The following TOM1L2 variants were observed in gnomAD, a reference collection of about 807,000 sequenced individuals.
TOM1L2 encodes the protein TOM1-like protein 2.
A neutral mutation model predicts 67.9 loss-of-function variants in TOM1L2; 31 were observed. The observed-to-expected ratio is 0.46, with a 90% CI of 0.34 to 0.62. TOM1L2 has a LOEUF of 0.62. Ranked by LOEUF, TOM1L2 falls within the 20% of genes least tolerant of loss-of-function variation. The pLI, the probability that TOM1L2 is intolerant of heterozygous loss-of-function variation, is 0.01. For missense variants in TOM1L2, 606 were observed against 663.5 expected (o/e 0.91, Z 0.95); for synonymous variants, 256 against 254.0 (o/e 1.01, Z -0.07).
At chr17:17,915,099 T>C (rs533974905) in intron 1 of TOM1L2, among the ~76,000 whole-genome samples, 1 of 152,348 alleles carries the variant, frequency 6.6e-6, no homozygotes, top group South Asian at 2.1e-4. Flanking sequence ...ACAAGGATAC[T>C]TCCAGCCTGT....
At chr17:17,889,716 C>A (rs1487885389) in intron 4 of TOM1L2, among the ~76,000 whole-genome samples, 1 of 152,230 alleles carries the variant, frequency 6.6e-6, no homozygotes, top group Non-Finnish European at 1.5e-5. Flanking sequence ...CTGTACCCCA[C>A]TCCACCCCCA....
chr17:17,892,355 C>T (rs1305936585), intron 4 of TOM1L2, among the ~76,000 whole-genome samples: 1 of 152,192 alleles, frequency 6.6e-6, no homozygotes, highest in Non-Finnish European at 1.5e-5. Context: ...CACGCCCAGC[C>T]CTAGGTTTGT....
chr17:17,884,334 T>C (rs1365477941), intron 5 of TOM1L2, among the ~76,000 whole-genome samples: 1 of 152,172 alleles, frequency 6.6e-6, no homozygotes, highest in African/African-American at 2.4e-5. Flanking sequence ...TAGGGGCCTC[T>C]GAAAAGCAGG....
chr17:17,880,229 C>T (rs1045833445), intron 6 of TOM1L2, among the ~76,000 whole-genome samples: 2 of 152,210 alleles, frequency 1.3e-5, no homozygotes, highest in Non-Finnish European at 2.9e-5. Flanking sequence ...ACACTAGGAT[C>T]CCTCTGAGAG....
At chr17:17,853,200 CA>C in intron 12 of TOM1L2, among the ~76,000 whole-genome samples, 1 of 152,316 alleles carries the variant, frequency 6.6e-6, no homozygotes, top group East Asian at 1.9e-4. Flanking sequence ...GCTGAGTCCC[CA>C]AAACTGAAGC....
intron 10 of TOM1L2, among the ~76,000 whole-genome samples, chr17:17,864,165 GGCC>G (rs2036713126): frequency 6.6e-6 from 1 of 151,856 alleles, no homozygotes; most frequent in Non-Finnish European, 1.5e-5. Context: ...CACTATGCCT[GGCC>G]TACTATACCT....
chr17:17,941,306 G>A (rs2040724265), intron 1 of TOM1L2, among the ~76,000 whole-genome samples: 1 of 152,142 alleles, frequency 6.6e-6, no homozygotes, highest in South Asian at 2.1e-4. Flanking sequence ...GGAAGTGCAG[G>A]AAGAGGACTG....
intron 1 of TOM1L2, among the ~76,000 whole-genome samples, chr17:17,918,527 A>T (rs939925886): frequency 6.6e-5 from 10 of 152,202 alleles, no homozygotes; most frequent in African/African-American, 2.4e-4. Context: ...ATTCCATAAA[A>T]AATTGCAAGA....
chr17:17,903,591 C>A (rs934824317), intron 2 of TOM1L2, among the ~76,000 whole-genome samples: 3 of 141,362 alleles, frequency 2.1e-5, no homozygotes, highest in Non-Finnish European at 3.0e-5. Flanking sequence ...CCAGCCTGGG[C>A]GACAGAGCGA....
intron 12 of TOM1L2, among the ~76,000 whole-genome samples, chr17:17,853,503 A>G (rs1411026221): frequency 6.6e-6 from 1 of 152,252 alleles, no homozygotes; most frequent in African/African-American, 2.4e-5. Context: ...GAGAGCCAAC[A>G]TGCTCAGAAA....
intron 1 of TOM1L2, among the ~76,000 whole-genome samples, chr17:17,925,567 C>T (rs1036854606): frequency 5.9e-5 from 9 of 151,912 alleles, no homozygotes; most frequent in African/African-American, 1.9e-4. Context: ...ATAGCCCAGG[C>T]GCAGTGGCTC....
chr17:17,856,660 C>G (rs1568064820), intron 12 of TOM1L2, among the ~76,000 whole-genome samples: 1 of 152,222 alleles, frequency 6.6e-6, no homozygotes, highest in African/African-American at 2.4e-5. Context: ...GGGAGAGGCA[C>G]ATGTTTGCAC....
intron 1 of TOM1L2, among the ~76,000 whole-genome samples, chr17:17,958,374 A>G (rs1328717941): frequency 6.6e-6 from 1 of 152,216 alleles, no homozygotes; most frequent in Non-Finnish European, 1.5e-5. Context: ...ACAGAAGACC[A>G]TTGGTGATTT....
intron 4 of TOM1L2, 27 bp from the exon 5 acceptor site, chr17:17,884,795 A>T: frequency 3.1e-6 from 5 of 1,612,168 alleles, no homozygotes; most frequent in Non-Finnish European, 4.2e-6. Flanking sequence ...CCTGTTAGGA[A>T]GCATTTCTCA....
chr17:17,954,918 T>C (rs886912646), intron 1 of TOM1L2, among the ~76,000 whole-genome samples: 4 of 152,236 alleles, frequency 2.6e-5, no homozygotes, highest in Non-Finnish European at 5.9e-5. Context: ...AGAACCTCCA[T>C]GGCAGTGTGG....
At chr17:17,868,304 C>T (rs1029030250) in intron 8 of TOM1L2, among the ~76,000 whole-genome samples, 2 of 152,148 alleles carry the variant, frequency 1.3e-5, no homozygotes, top group East Asian at 1.9e-4. Flanking sequence ...TGTGTACTTC[C>T]GTAGTCAAAA....
intron 12 of TOM1L2, among the ~76,000 whole-genome samples, chr17:17,852,919 G>C (rs1324513237): frequency 6.7e-6 from 1 of 150,092 alleles, no homozygotes; most frequent in Non-Finnish European, 1.5e-5. Flanking sequence ...GTATCAGGGA[G>C]TCTTATCACC....
intron 1 of TOM1L2, among the ~76,000 whole-genome samples, chr17:17,962,293 T>C (rs1381109865): frequency 1.3e-5 from 2 of 150,398 alleles, no homozygotes; most frequent in Admixed American, 6.6e-5. Flanking sequence ...ACTAGAAGAG[T>C]TGTAGAGATG....
chr17:17,881,836 A>AT (rs1488406219), intron 6 of TOM1L2, among the ~76,000 whole-genome samples: 1 of 152,122 alleles, frequency 6.6e-6, no homozygotes, highest in Non-Finnish European at 1.5e-5. Context: ...CAACACTGCC[A>AT]TCCCTACACA....
Sources: gnomAD v4.1 joint callset for allele counts (sites outside exome capture counted in the v4.1 genomes callset) on GRCh38, gnomAD v4.1.1 for gene constraint, MANE v1.5 for transcripts, NCBI Gene and HGNC (gene_info 2026-07-23, HGNC 2026-07-21) for gene names.